The following ZEB2 variants were observed in gnomAD, a reference collection of about 807,000 sequenced individuals.
ZEB2 encodes zinc finger E-box binding homeobox 2.
Under a neutral mutation model 99.9 loss-of-function variants are expected in ZEB2, and 6 were observed. That is an observed-to-expected ratio of 0.06 (90% CI 0.03 to 0.12). ZEB2 has a LOEUF of 0.12. Ranked by LOEUF, ZEB2 falls within the 10% of genes least tolerant of loss-of-function variation. The probability of loss-of-function intolerance (pLI) is 1.00; values close to 1 mark genes in which losing one functional copy is unlikely to be tolerated. For synonymous variants in ZEB2, 517 were observed against 542.5 expected (o/e 0.95, Z 0.65); for missense variants, 969 against 1,502.8 (o/e 0.64, Z 5.87).
chr2:144,444,628 T>C, intron 2 of ZEB2, among the ~76,000 whole-genome samples: 1 of 152,228 alleles, frequency 6.6e-6, no homozygotes, highest in East Asian at 1.9e-4. Context: ...AATGAGTGTG[T>C]AAATCACATC....
chr2:144,516,222 A>ACCC lies in ZEB2; in HGVS notation c.73+1053_73+1055dup, dbSNP rs113175667. ...TCAGTTATCCTCCGTCAGCTCCCCC[A>ACCC]CCCCCCCCCGGCACCCTCGCTAGTC... On this transcript the variant is annotated intron_variant, in intron 2 of 9. Coordinates refer to ENST00000627532, the MANE Select transcript of ZEB2 (RefSeq NM_014795.4). 122 of 89,674 alleles carry ACCC rather than the reference A, an allele frequency of 1.4e-3. 1 individual carries two copies. Among genetic ancestry groups the ACCC allele is most frequent in the Middle Eastern group, 7.5e-3 (1 of 134 alleles). 5.6% of individuals were successfully genotyped at this position (89,674 alleles called of 1,614,324 possible).
intron 4 of ZEB2, among the ~76,000 whole-genome samples, chr2:144,408,677 A>G (rs1054580083): frequency 7.9e-5 from 12 of 152,160 alleles, no homozygotes; most frequent in Admixed American, 6.5e-4. Flanking sequence ...TCTGCCCAGT[A>G]CTTCAACATT....
chr2:144,391,638 G>A (rs1703155176), intron 9 of ZEB2, among the ~76,000 whole-genome samples: 1 of 152,184 alleles, frequency 6.6e-6, no homozygotes, highest in African/African-American at 2.4e-5. Context: ...AATTTAAGAG[G>A]AAGCAGACGT....
chr2:144,405,943 G>A (rs1393393081), intron 4 of ZEB2, among the ~76,000 whole-genome samples: 1 of 152,162 alleles, frequency 6.6e-6, no homozygotes, highest in Non-Finnish European at 1.5e-5. Flanking sequence ...TAACAAAGTT[G>A]GGAGAGTAGC....
intron 1 of ZEB2, chr2:144,517,747 C>T: frequency 1.4e-6 from 1 of 696,558 alleles, no homozygotes; most frequent in East Asian, 2.7e-5. Flanking sequence ...TAGGCGGACC[C>T]TTTCCTTCGA....
At chr2:144,395,349 T>C (rs908287801) in intron 9 of ZEB2, among the ~76,000 whole-genome samples, 1 of 152,048 alleles carries the variant, frequency 6.6e-6, no homozygotes, top group Non-Finnish European at 1.5e-5. Context: ...TCATCATCGC[T>C]TTTCCCCCAA....
chr2:144,424,699 G>A, intron 4 of ZEB2, 97 bp downstream of exon 4: 1 of 1,387,878 alleles, frequency 7.2e-7, no homozygotes, highest in South Asian at 1.2e-5. Flanking sequence ...GTTAAGTCAT[G>A]GAGATACAAA....
chr2:144,389,920 T>C lies in ZEB2; in HGVS notation c.3176A>G (p.Lys1059Arg). ...HSGEKPYQCDKCGKRFSHSGS... is the reference protein window; with the variant it reads ...HSGEKPYQCDRCGKRFSHSGS... Reference sequence around the variant, plus strand: ...CGAGTGTGAGAAGCGCTTGCCACATTTATCACACTGATAGGGCTTCTCGCC... The same window carrying C: ...CGAGTGTGAGAAGCGCTTGCCACATCTATCACACTGATAGGGCTTCTCGCC... The change falls in exon 10 of 10, where the codon AAA becomes AGA. Residue 1059 changes from lysine (K) to arginine (R), a missense_variant. This residue lies in a region of ZEB2 where 17 missense variants were observed against 116.9 expected (regional missense o/e 0.15). Coordinates refer to ENST00000627532, the MANE Select transcript of ZEB2 (RefSeq NM_014795.4). The surrounding 1 kb of genome is among the most constrained non-coding windows in gnomAD (Gnocchi z 6.8). The C allele has an allele frequency of 6.2e-7, 1 of 1,612,800 alleles. No individual in the cohort carries two copies. The highest frequency in any genetic ancestry group is 8.5e-7 in the Non-Finnish European group (1 of 1,180,022).
At chr2:144,391,641 G>T (rs1560602994) in intron 9 of ZEB2, among the ~76,000 whole-genome samples, 1 of 152,188 alleles carries the variant, frequency 6.6e-6, no homozygotes, top group Non-Finnish European at 1.5e-5. Flanking sequence ...TTAAGAGGAA[G>T]CAGACGTGTA....
chr2:144,505,891 T>C (rs1003864927), intron 2 of ZEB2, among the ~76,000 whole-genome samples: 2 of 152,208 alleles, frequency 1.3e-5, no homozygotes, highest in Non-Finnish European at 2.9e-5. Flanking sequence ...CACCCTTTTT[T>C]ATTCTGTATA....
At chr2:144,440,700 G>A (rs1246603746) in intron 2 of ZEB2, among the ~76,000 whole-genome samples, 4 of 151,474 alleles carry the variant, frequency 2.6e-5, no homozygotes, top group African/African-American at 9.7e-5. Flanking sequence ...GTGGGTGGCT[G>A]GGGGGACCCT....
chr2:144,481,428 G>A (rs1704509626), intron 2 of ZEB2, among the ~76,000 whole-genome samples: 1 of 152,142 alleles, frequency 6.6e-6, no homozygotes, highest in African/African-American at 2.4e-5. Flanking sequence ...CATGGAAATT[G>A]TATTTCTAAA....
At chr2:144,488,289 A>C (rs1282649583) in intron 2 of ZEB2, among the ~76,000 whole-genome samples, 2 of 152,254 alleles carry the variant, frequency 1.3e-5, no homozygotes, top group African/African-American at 2.4e-5. Flanking sequence ...ATTAGTCAAC[A>C]TGGAGCAAGT....
rs762006325 is a variant in ZEB2 at position 144,400,005 on chromosome 2, T to G, written c.1182A>C (p.Pro394=). 1.2e-6 allele frequency: 2 copies of G among 1,614,204 alleles called. No individual in the cohort carries two copies. Among genetic ancestry groups the G allele is most frequent in the African/African-American group, 1.3e-5 (1 of 75,058 alleles). The part of the protein sequence containing the change: ...QTGLLKIKTE[P]LDFNDYKVLM... The stretch of plus-strand genomic sequence containing the variant: ...GAACTTTATAGTCATTGAAGTCTAG[T>G]GGTTCTGTTTTAATTTTAAGTAAGC... The change falls in exon 8 of 10, where the codon CCA becomes CCC. Residue 394 remains proline (P), a synonymous_variant. Transcript: ENST00000627532.
intron 2 of ZEB2, chr2:144,516,762 G>C (rs1422571087): frequency 6.6e-6 from 1 of 151,874 alleles, no homozygotes; most frequent in South Asian, 2.1e-4. Context: ...ACCGAGAAGC[G>C]GCCGGGCGAC....
intron 2 of ZEB2, among the ~76,000 whole-genome samples, chr2:144,490,548 T>G (rs1363592972): frequency 2.0e-5 from 3 of 152,242 alleles, no homozygotes; most frequent in Non-Finnish European, 4.4e-5. Context: ...AACACTACTG[T>G]TATTTTACAG....
Position 144,429,754 on chromosome 2 carries a change from A to G in ZEB2, c.331+15T>C. 1 of 1,613,774 alleles carries G rather than the reference A, an allele frequency of 6.2e-7. No individual in the cohort carries two copies. Among genetic ancestry groups the G allele is most frequent in the Non-Finnish European group, 8.5e-7 (1 of 1,179,752 alleles). Reference sequence around the variant, plus strand: ...AGATGGTACAGGAAGAGGCCAAGTGATTTTAGACACTTACCTGGACCATCT... The same window carrying G: ...AGATGGTACAGGAAGAGGCCAAGTGGTTTTAGACACTTACCTGGACCATCT... On this transcript the variant is annotated intron_variant, in intron 3 of 9. Transcript: ENST00000627532.
At chr2:144,432,760 A>G (rs540703191) in intron 2 of ZEB2, among the ~76,000 whole-genome samples, 65 of 152,224 alleles carry the variant, frequency 4.3e-4, no homozygotes, top group African/African-American at 1.5e-3. Context: ...TCCCATTTGG[A>G]CCTGTTTTGA....
chr2:144,514,747 AAGAC>A lies in ZEB2; in HGVS notation c.73+2527_73+2530del, dbSNP rs1270982678. Among the ~76,000 whole-genome samples, 4 of 152,376 alleles carry A rather than the reference AAGAC, an allele frequency of 2.6e-5. No homozygotes were observed. The South Asian group carries it at 6.2e-4, about 24-fold the overall frequency. On this transcript the variant is annotated intron_variant, in intron 2 of 9. Coordinates refer to ENST00000627532, the MANE Select transcript of ZEB2 (RefSeq NM_014795.4). ...TTTTCCCACAGCTTATTTGGAAAAA[AAGAC>A]AGGTAACAGTCAAAGTTAGAGAAGC...
Sources: allele counts gnomAD v4.1 joint callset (sites outside exome capture counted in the v4.1 genomes callset), GRCh38; gene constraint gnomAD v4.1.1; regional missense constraint gnomAD v4.1.1; non-coding constraint Gnocchi (gnomAD v3.1); transcripts MANE v1.5; gene names NCBI Gene and HGNC (gene_info 2026-07-23, HGNC 2026-07-21).